Variants in TENM2 observed in about 807,000 individuals in gnomAD.
TENM2 encodes teneurin-2.
TENM2 carries 52 observed loss-of-function variants against 245.2 expected under a neutral mutation model. That is an observed-to-expected ratio of 0.21 (90% CI 0.17 to 0.27). The LOEUF is 0.27. Ranked by LOEUF, TENM2 falls within the 10% of genes least tolerant of loss-of-function variation. The pLI is 1.00. For missense variants in TENM2, 3,046 were observed against 3,666.8 expected, an observed-to-expected ratio of 0.83 and a Z score of 4.37; for synonymous variants, 1,363 against 1,438.9, an observed-to-expected ratio of 0.95 and a Z score of 1.19.
chr5:167,759,975 T>C (rs986554085), intron 2 of TENM2, among the ~76,000 whole-genome samples: 4 of 152,232 alleles, frequency 2.6e-5, no homozygotes, highest in African/African-American at 9.6e-5. Flanking sequence ...TATTCAGAAA[T>C]GTGAAATTGA....
At chr5:167,925,839 AAACT>A (rs1777715814) in intron 3 of TENM2, among the ~76,000 whole-genome samples, 1 of 152,234 alleles carries the variant, frequency 6.6e-6, no homozygotes, top group Non-Finnish European at 1.5e-5. Context: ...TATCCTTGGC[AAACT>A]AATGCAGGAA....
At chr5:168,118,656 A>C (rs575131093) in intron 10 of TENM2, among the ~76,000 whole-genome samples, 170 bp downstream of exon 12, 226 of 152,346 alleles carry the variant, frequency 1.5e-3, no homozygotes, top group Non-Finnish European at 2.8e-3. Context: ...TGGTTGTAGA[A>C]CAAGAAAAGC....
intron 2 of TENM2, among the ~76,000 whole-genome samples, chr5:167,630,996 G>T (rs1172348644): frequency 1.3e-5 from 2 of 152,138 alleles, no homozygotes; most frequent in African/African-American, 2.4e-5. Flanking sequence ...TAGGATATAT[G>T]GTTGTTATAT....
intron 23 of TENM2, among the ~76,000 whole-genome samples, chr5:168,222,874 G>T (rs1019618309): frequency 1.3e-5 from 2 of 152,060 alleles, no homozygotes; most frequent in African/African-American, 4.8e-5. Flanking sequence ...CTTCCCAGCC[G>T]TATCTCCAGT....
chr5:167,331,735 A>AGCACC (rs1156357088), intron 1 of TENM2, among the ~76,000 whole-genome samples: 2 of 152,184 alleles, frequency 1.3e-5, no homozygotes, highest in East Asian at 3.9e-4. Flanking sequence ...ATTAAATGTG[A>AGCACC]GCACCGTTGA....
Position 167,690,101 on chromosome 5 carries a change from CTTT to C in TENM2, c.503-185861_503-185859del, listed in dbSNP as rs370994752. ...AGGCGAAATTTAGGAAAAAAACACA[CTTT>C]TTTTTTTTTTTTTTTTTTTTTTTAG... is the stretch of plus-strand genomic sequence containing the variant. On this transcript the variant is annotated intron_variant, in intron 2 of 28. Coordinates refer to ENST00000518659, the Ensembl canonical transcript of TENM2. Among the ~76,000 whole-genome samples, 329 of 119,910 alleles carry C rather than the reference CTTT, an allele frequency of 2.7e-3. 3 individuals carry two copies. The highest frequency in any genetic ancestry group is 9.1e-3 in the African/African-American group (304 of 33,278). 78.7% of individuals were successfully genotyped at this position (119,910 alleles called of 152,430 possible).
At chr5:167,393,985 T>C (rs1712524827) in intron 2 of TENM2, among the ~76,000 whole-genome samples, 1 of 152,224 alleles carries the variant, frequency 6.6e-6, no homozygotes, top group African/African-American at 2.4e-5. Flanking sequence ...TATGGTTTTC[T>C]GATATTGAGT....
At chr5:167,911,913 CTGTTA>C (rs1185784207) in intron 3 of TENM2, among the ~76,000 whole-genome samples, 3 of 152,028 alleles carry the variant, frequency 2.0e-5, no homozygotes, top group Non-Finnish European at 2.9e-5. Flanking sequence ...GCATGATATT[CTGTTA>C]TATGTATGTA....
At chr5:167,317,287 C>A (rs1484748627) in intron 1 of TENM2, among the ~76,000 whole-genome samples, 1 of 151,918 alleles carries the variant, frequency 6.6e-6, no homozygotes, top group African/African-American at 2.4e-5. Flanking sequence ...ATATTTAATT[C>A]TTATTCATTT....
chr5:167,142,242 G>A, the TENM2 span, among the ~76,000 whole-genome samples: 3 of 152,060 alleles, frequency 2.0e-5, no homozygotes, highest in Admixed American at 6.6e-5. Context: ...CTTTTTAAAG[G>A]AAAGACTCTG....
At position 168,105,888 on chromosome 5, in the gene TENM2, T is replaced by C. The variant is rs561439250; in HGVS notation, c.1813+7761T>C. On this transcript the variant is annotated intron_variant, in intron 9 of 28. Coordinates refer to ENST00000518659, the Ensembl canonical transcript of TENM2. Reference sequence around the variant, plus strand: ...TTGTGGGCTAGAGGTTTTTTAATTATTATTCCTTTCCCTTGTATTTGCTTT... The same window carrying C: ...TTGTGGGCTAGAGGTTTTTTAATTACTATTCCTTTCCCTTGTATTTGCTTT... Among the ~76,000 whole-genome samples the C allele has an allele frequency of 5.3e-5, 8 of 152,346 alleles. No individual in the cohort carries two copies. In the East Asian group the frequency reaches 1.5e-3, roughly 29 times the overall value.
intron 12 of TENM2, among the ~76,000 whole-genome samples, chr5:168,156,264 A>AC (rs1757170321): frequency 6.6e-6 from 1 of 150,902 alleles, no homozygotes; most frequent in Middle Eastern, 3.2e-3. Context: ...AAAAAAAAAA[A>AC]AACACTTTTT....
intron 2 of TENM2, among the ~76,000 whole-genome samples, chr5:167,441,812 T>A (rs546786171): frequency 6.6e-6 from 1 of 152,202 alleles, no homozygotes; most frequent in South Asian, 2.1e-4. Flanking sequence ...TCTCTTGCGA[T>A]GATGGGTAAG....
At chr5:167,243,235 T>G in the TENM2 span, among the ~76,000 whole-genome samples, 23,841 of 152,046 alleles carry the variant, frequency 0.16, 2,965 homozygotes, top group African/African-American at 0.35. Context: ...GTTAAATTTC[T>G]GGGAAATTTA....
At chr5:167,090,800 A>G in the TENM2 span, among the ~76,000 whole-genome samples, 1 of 152,304 alleles carries the variant, frequency 6.6e-6, no homozygotes, top group African/African-American at 2.4e-5. Context: ...TGTGTTGTAG[A>G]TTCTGTAAAG....
intron 2 of TENM2, among the ~76,000 whole-genome samples, chr5:167,390,063 T>C (rs1051861763): frequency 2.0e-5 from 3 of 152,202 alleles, no homozygotes; most frequent in Non-Finnish European, 4.4e-5. Context: ...CCTTATTGTT[T>C]ATACAAATGC....
At chr5:167,254,245 G>A in the TENM2 span, among the ~76,000 whole-genome samples, 1 of 152,120 alleles carries the variant, frequency 6.6e-6, no homozygotes, top group African/African-American at 2.4e-5. Context: ...GCAGTTTCAG[G>A]AACAGCTGCC....
intron 3 of TENM2, among the ~76,000 whole-genome samples, chr5:167,878,245 T>A (rs551428997): frequency 6.6e-6 from 1 of 152,210 alleles, no homozygotes; most frequent in East Asian, 1.9e-4. Context: ...AACAGATCTG[T>A]GTGTTCAGAG....
At chr5:168,153,736 C>A (rs376522908) in intron 12 of TENM2, among the ~76,000 whole-genome samples, 9 of 152,272 alleles carry the variant, frequency 5.9e-5, no homozygotes, top group Non-Finnish European at 1.3e-4. Context: ...TAAATGCAGA[C>A]GGCTGGGCCC....
Sources: gnomAD v4.1 joint callset for allele counts (sites outside exome capture counted in the v4.1 genomes callset) on GRCh38, gnomAD v4.1.1 for gene constraint, MANE v1.5 for transcripts, NCBI Gene and HGNC (gene_info 2026-07-23, HGNC 2026-07-21) for gene names.